GPC5: variants seen among roughly 807,000 people sequenced by gnomAD.
GPC5 encodes glypican 5, also known as glypican-5.
A neutral mutation model predicts 53.9 loss-of-function variants in GPC5; 47 were observed. The ratio of observed to expected loss-of-function variants is 0.87; its 90% CI spans 0.69 to 1.11. GPC5 has a LOEUF of 1.11. GPC5 is among the 50% of genes most tolerant of loss of function. The pLI, the probability that GPC5 is intolerant of heterozygous loss-of-function variation, is 0.00. For synonymous variants in GPC5, 286 were observed against 263.3 expected (o/e 1.09, Z -0.84); for missense variants, 748 against 713.1 (o/e 1.05, Z -0.56).
Position 92,187,517 on chromosome 13 carries a change from A to G in GPC5, c.1561+42528A>G, listed in dbSNP as rs147429763. ...CCTTTTAGTTACCCTGTATTTCCAT[A>G]CTGGATTCCAATGTTCAAGGTAATT... On this transcript the variant is annotated intron_variant, in intron 7 of 7. Coordinates refer to ENST00000377067, the MANE Select transcript of GPC5 (RefSeq NM_004466.6). 6.9e-3 allele frequency among the ~76,000 whole-genome samples: 1,055 copies of G among 152,276 alleles called. 7 individuals are homozygous for G. The highest frequency in any genetic ancestry group is 0.024 in the African/African-American group (996 of 41,552).
chr13:92,750,193 C>T (rs776753554), intron 7 of GPC5, among the ~76,000 whole-genome samples: 6 of 151,954 alleles, frequency 3.9e-5, no homozygotes, highest in Non-Finnish European at 5.9e-5. Flanking sequence ...AGGTAGAGTC[C>T]TATTAATGCT....
intron 7 of GPC5, among the ~76,000 whole-genome samples, chr13:92,743,241 T>C (rs1340230606): frequency 6.6e-6 from 1 of 152,186 alleles, no homozygotes; most frequent in Non-Finnish European, 1.5e-5. Context: ...TCCATTTACT[T>C]GTATCCTCTT....
At chr13:92,849,427 A>C (rs1878717353) in intron 7 of GPC5, among the ~76,000 whole-genome samples, 1 of 152,238 alleles carries the variant, frequency 6.6e-6, no homozygotes, top group Non-Finnish European at 1.5e-5. Flanking sequence ...TAATAAATGT[A>C]ATAAGCATCA....
intron 7 of GPC5, among the ~76,000 whole-genome samples, chr13:92,856,097 G>A (rs1392101723): frequency 3.9e-5 from 6 of 151,928 alleles, no homozygotes; most frequent in Non-Finnish European, 7.4e-5. Flanking sequence ...GAACATAGAT[G>A]CAAAAATCCT....
intron 7 of GPC5, among the ~76,000 whole-genome samples, chr13:92,172,838 G>A (rs2042080167): frequency 6.6e-6 from 1 of 151,716 alleles, no homozygotes; most frequent in African/African-American, 2.4e-5. Context: ...GTTTAATGCT[G>A]TTATTAAACA....
At chr13:92,604,751 A>T (rs1272864570) in intron 7 of GPC5, among the ~76,000 whole-genome samples, 1 of 152,202 alleles carries the variant, frequency 6.6e-6, no homozygotes, top group Non-Finnish European at 1.5e-5. Context: ...GTTGTTTATG[A>T]GGTGCTTACA....
intron 3 of GPC5, among the ~76,000 whole-genome samples, chr13:91,708,693 CAAT>C (rs2036161097): frequency 6.6e-6 from 1 of 151,860 alleles, no homozygotes; most frequent in South Asian, 2.1e-4. Flanking sequence ...AACTATATAA[CAAT>C]AAAGCTGTTA....
intron 7 of GPC5, among the ~76,000 whole-genome samples, chr13:92,403,618 A>G (rs1409592072): frequency 6.6e-6 from 1 of 152,200 alleles, no homozygotes; most frequent in Non-Finnish European, 1.5e-5. Flanking sequence ...GTGGAAAATT[A>G]TCTTCTATGA....
At chr13:91,420,837 T>G (rs1488865867) in intron 1 of GPC5, among the ~76,000 whole-genome samples, 1 of 152,218 alleles carries the variant, frequency 6.6e-6, no homozygotes, top group African/African-American at 2.4e-5. Flanking sequence ...CTTCCCCTTC[T>G]GCCATGATTG....
intron 7 of GPC5, among the ~76,000 whole-genome samples, chr13:92,462,574 A>G (rs893030732): frequency 6.6e-6 from 1 of 152,198 alleles, no homozygotes; most frequent in Non-Finnish European, 1.5e-5. Context: ...ACAGATACAT[A>G]GTAGACAATT....
At chr13:92,375,571 T>G (rs542612436) in intron 7 of GPC5, among the ~76,000 whole-genome samples, 1 of 152,242 alleles carries the variant, frequency 6.6e-6, no homozygotes, top group East Asian at 1.9e-4. Context: ...CAATCATAGC[T>G]CAACCAGAGA....
rs1213147909 is a variant in GPC5 at position 91,572,070 on chromosome 13, TAC to T, written c.326-121111_326-121110del. On this transcript the variant is annotated intron_variant, in intron 2 of 7. Coordinates refer to ENST00000377067, the MANE Select transcript of GPC5 (RefSeq NM_004466.6). ...ACACATATGTATATATACATGTATATACACACATATGTATATGTACATGTGTG... is the reference window on the plus strand; with the variant it reads ...ACACATATGTATATATACATGTATATACACATATGTATATGTACATGTGTG... 4.9e-5 allele frequency among the ~76,000 whole-genome samples: 7 copies of T among 144,300 alleles called. No homozygotes were observed. In the South Asian group the frequency reaches 1.1e-3, roughly 22 times the overall value. The allele number at this position is 144,300 out of a possible 152,430, so 94.7% of individuals were successfully genotyped here.
At chr13:92,309,740 T>C (rs931031807) in intron 7 of GPC5, among the ~76,000 whole-genome samples, 1 of 152,092 alleles carries the variant, frequency 6.6e-6, no homozygotes, top group African/African-American at 2.4e-5. Context: ...TTTAAAAATT[T>C]TTTATGGTGA....
chr13:92,242,672 G>C (rs1303637704), intron 7 of GPC5, among the ~76,000 whole-genome samples: 1 of 152,056 alleles, frequency 6.6e-6, no homozygotes, highest in Non-Finnish European at 1.5e-5. Context: ...TCTCTTTTCA[G>C]TCATGTCAGA....
intron 2 of GPC5, among the ~76,000 whole-genome samples, chr13:91,496,970 G>A (rs548422467): frequency 3.6e-4 from 55 of 151,938 alleles, no homozygotes; most frequent in South Asian, 8.3e-4. Context: ...AAAATCCCCC[G>A]TTACTGTCTT....
intron 2 of GPC5, among the ~76,000 whole-genome samples, chr13:91,563,815 C>T (rs746282891): frequency 4.6e-5 from 7 of 152,052 alleles, no homozygotes; most frequent in Non-Finnish European, 8.8e-5. Flanking sequence ...CTGCCAGCCT[C>T]CTCTCGGAGG....
chr13:92,289,246 A>C (rs1395213997), intron 7 of GPC5, among the ~76,000 whole-genome samples: 1 of 152,170 alleles, frequency 6.6e-6, no homozygotes, highest in Non-Finnish European at 1.5e-5. Context: ...TTAATTTTAG[A>C]ATGTATTTAT....
At chr13:92,541,571 A>G (rs1881932022) in intron 7 of GPC5, among the ~76,000 whole-genome samples, 1 of 146,744 alleles carries the variant, frequency 6.8e-6, no homozygotes, top group Non-Finnish European at 1.6e-5. Context: ...CTCTAGAAAT[A>G]GCTTTTTTTT....
chr13:92,707,385 C>T (rs1887988810), intron 7 of GPC5, among the ~76,000 whole-genome samples: 1 of 152,114 alleles, frequency 6.6e-6, no homozygotes, highest in South Asian at 2.1e-4. Context: ...TCGTATGATG[C>T]AGACTCACCT....
Sources: gnomAD v4.1 joint callset for allele counts (sites outside exome capture counted in the v4.1 genomes callset) on GRCh38, gnomAD v4.1.1 for gene constraint, MANE v1.5 for transcripts, NCBI Gene and HGNC (gene_info 2026-07-23, HGNC 2026-07-21) for gene names.